The following DIP2C variants were observed in gnomAD, a reference collection of about 807,000 sequenced individuals.
DIP2C encodes the protein DIP2 acetate--CoA ligase C (putative).
Under a neutral mutation model 192.4 loss-of-function variants are expected in DIP2C, and 33 were observed. The observed-to-expected ratio is 0.17, with a 90% CI of 0.13 to 0.23. DIP2C has a LOEUF of 0.23. DIP2C is among the 10% of genes least tolerant of loss of function. The pLI is 1.00. For missense variants in DIP2C, 1,537 were observed against 2,110.1 expected (o/e 0.73, Z 5.32); for synonymous variants, 979 against 864.1 (o/e 1.13, Z -2.33).
Position 340,147 on chromosome 10 carries a change from C to CTT in DIP2C, c.3584+1050_3584+1051dup, listed in dbSNP as rs886398935. Among the ~76,000 whole-genome samples, 18 of 150,964 alleles carry CTT rather than the reference C, an allele frequency of 1.2e-4. No homozygotes were observed. In the South Asian group the frequency reaches 1.9e-3, roughly 16 times the overall value. On this transcript the variant is annotated intron_variant, in intron 29 of 36. Transcript: ENST00000280886. ...AGTGAGCTGAGATTGTGGCACTGCA[C>CTT]TTCAGCCTGGGTGACAGAGCAAGAC...
chr10:591,910 A>G (rs535620165), intron 1 of DIP2C, among the ~76,000 whole-genome samples: 95 of 152,304 alleles, frequency 6.2e-4, no homozygotes, highest in East Asian at 5.8e-4. Flanking sequence ...AGGAAATCAC[A>G]TTCCACAAAC....
At chr10:579,223 C>T (rs935521824) in intron 1 of DIP2C, among the ~76,000 whole-genome samples, 1 of 151,990 alleles carries the variant, frequency 6.6e-6, no homozygotes, top group Admixed American at 6.5e-5. Flanking sequence ...CATCCAGATC[C>T]ATTTAGTGTA....
At chr10:510,005 C>A (rs531161763) in intron 1 of DIP2C, among the ~76,000 whole-genome samples, 1 of 152,360 alleles carries the variant, frequency 6.6e-6, no homozygotes, top group South Asian at 2.1e-4. Flanking sequence ...TCAGGAACCA[C>A]GGGGTGCAGC....
chr10:452,586 A>G (rs913441095), intron 3 of DIP2C, among the ~76,000 whole-genome samples: 17 of 152,218 alleles, frequency 1.1e-4, no homozygotes, highest in African/African-American at 3.6e-4. Context: ...TAGCGATTAA[A>G]TGGACAGCGC....
intron 31 of DIP2C, among the ~76,000 whole-genome samples, chr10:310,307 A>T (rs1956515199): frequency 6.6e-6 from 1 of 152,248 alleles, no homozygotes. Flanking sequence ...TACTGGATTC[A>T]CACAGCTTGA....
At chr10:511,418 C>T (rs2130772104) in intron 1 of DIP2C, among the ~76,000 whole-genome samples, 1 of 152,342 alleles carries the variant, frequency 6.6e-6, no homozygotes, top group Admixed American at 6.5e-5. Context: ...ATATCAGATT[C>T]AACGTAAAAT....
intron 32 of DIP2C, among the ~76,000 whole-genome samples, chr10:304,555 GCA>G (rs56181109): frequency 0.89 from 133,655 of 150,622 alleles, 59,442 homozygotes; most frequent in East Asian, 0.97. Flanking sequence ...GCACACGAAT[GCA>G]CACACACACA....
At chr10:343,326 A>G (rs1159816895) in intron 28 of DIP2C, among the ~76,000 whole-genome samples, 1 of 152,182 alleles carries the variant, frequency 6.6e-6, no homozygotes, top group African/African-American at 2.4e-5. Flanking sequence ...CTGAAGTAGA[A>G]TGTCACCAGA....
intron 1 of DIP2C, among the ~76,000 whole-genome samples, chr10:654,662 T>A (rs1350402442): frequency 1.3e-4 from 20 of 152,104 alleles, no homozygotes; most frequent in Admixed American, 1.3e-3. Context: ...GCCTTAAAAG[T>A]AAGAAAGCCA....
At chr10:364,615 C>T in intron 19 of DIP2C, 33 bp from the exon 20 acceptor site, 1 of 1,602,108 alleles carries the variant, frequency 6.2e-7, no homozygotes, top group South Asian at 1.1e-5. Flanking sequence ...GGCCACTGTT[C>T]ATGTGGTCAG....
rs191826158 is a variant in DIP2C at position 482,495 on chromosome 10, C to A, written c.157+3964G>T. ...GAGAGGCTGTGCCGCACAGACAAACCCCCTTACAGAGTCCTTGTAACTTGC... is the reference window on the plus strand; with the variant it reads ...GAGAGGCTGTGCCGCACAGACAAACACCCTTACAGAGTCCTTGTAACTTGC... On this transcript the variant is annotated intron_variant, in intron 2 of 36. Coordinates refer to ENST00000280886, the MANE Select transcript of DIP2C (RefSeq NM_014974.3). Among the ~76,000 whole-genome samples the A allele has an allele frequency of 4.1e-3, 618 of 152,312 alleles. 8 individuals carry two copies. The highest frequency in any genetic ancestry group is 0.014 in the African/African-American group (594 of 41,562).
At chr10:470,216 A>G (rs1970517947) in intron 3 of DIP2C, among the ~76,000 whole-genome samples, 1 of 152,258 alleles carries the variant, frequency 6.6e-6, no homozygotes, top group South Asian at 2.1e-4. Flanking sequence ...TCATGTGGTT[A>G]TAATGGCGAT....
At chr10:502,342 T>C (rs965949554) in intron 1 of DIP2C, among the ~76,000 whole-genome samples, 3 of 152,138 alleles carry the variant, frequency 2.0e-5, no homozygotes, top group African/African-American at 7.2e-5. Flanking sequence ...ACCATGAGTG[T>C]TCAAAGGAAA....
chr10:641,191 G>A (rs952889289), intron 1 of DIP2C, among the ~76,000 whole-genome samples: 6 of 151,600 alleles, frequency 4.0e-5, no homozygotes, highest in Non-Finnish European at 8.8e-5. Context: ...GCAACACCTC[G>A]TTCTTTGAGG....
At chr10:314,800 C>T (rs916279263) in intron 31 of DIP2C, among the ~76,000 whole-genome samples, 19 of 152,202 alleles carry the variant, frequency 1.2e-4, no homozygotes, top group African/African-American at 3.4e-4. Context: ...AAGTCCCATT[C>T]GTGAGGGCTC....
chr10:279,294 G>A (rs980866300), intron 36 of DIP2C, among the ~76,000 whole-genome samples: 14 of 152,158 alleles, frequency 9.2e-5, no homozygotes, highest in African/African-American at 4.8e-5. Flanking sequence ...AGATATAGAC[G>A]TCTCAGGCGC....
At chr10:395,666 T>G (rs1287783912) in intron 10 of DIP2C, among the ~76,000 whole-genome samples, 1 of 152,030 alleles carries the variant, frequency 6.6e-6, no homozygotes, top group East Asian at 1.9e-4. Context: ...CACCTCAGGG[T>G]TATATTGGCA....
intron 1 of DIP2C, among the ~76,000 whole-genome samples, chr10:527,093 G>GC (rs999948766): frequency 1.2e-4 from 18 of 152,148 alleles, no homozygotes; most frequent in Admixed American, 5.9e-4. Flanking sequence ...CCTCTACCCA[G>GC]CCTCCACCCA....
chr10:520,725 C>T (rs370107142), intron 1 of DIP2C, among the ~76,000 whole-genome samples: 2 of 152,358 alleles, frequency 1.3e-5, no homozygotes, highest in East Asian at 3.9e-4. Flanking sequence ...GCCAAAGTTT[C>T]ACTTTAGGGC....
Sources: allele counts gnomAD v4.1 joint callset (sites outside exome capture counted in the v4.1 genomes callset), GRCh38; gene constraint gnomAD v4.1.1; transcripts MANE v1.5; gene names NCBI Gene and HGNC (gene_info 2026-07-23, HGNC 2026-07-21).